The following PSG7 variants were observed in gnomAD, a reference collection of about 807,000 sequenced individuals.
The protein encoded by PSG7 is pregnancy-specific beta-1-glycoprotein 7.
Under a neutral mutation model 45.6 loss-of-function variants are expected in PSG7, and 57 were observed. That is an observed-to-expected ratio of 1.25 (90% CI 1.01 to 1.56). The LOEUF (loss-of-function observed/expected upper bound fraction) is 1.56. Ranked by LOEUF, PSG7 falls within the 40% of genes most tolerant of loss-of-function variation. The pLI, the probability that PSG7 is intolerant of heterozygous loss-of-function variation, is 0.00. For synonymous variants in PSG7, 298 were observed against 194.4 expected (o/e 1.53, Z -4.43); for missense variants, 796 against 508.4 (o/e 1.57, Z -5.44).
In PSG7 at chr19:42,924,558, G is replaced by GACATCTTGGGAAAAGCTGTCC; in HGVS notation, c.*229_*249dup. 1.7e-6 allele frequency: 1 copy of GACATCTTGGGAAAAGCTGTCC among 603,942 alleles called. No homozygotes were observed. The highest frequency in any genetic ancestry group is 2.7e-5 in the East Asian group (1 of 36,514). The allele number at this position is 603,942 out of a possible 1,614,324, so 37.4% of individuals were successfully genotyped here. On this transcript the variant is annotated 3_prime_UTR_variant, in exon 6 of 6. Coordinates refer to ENST00000406070, the MANE Select transcript of PSG7 (RefSeq NM_002783.3). ...TCATCATGATGGGGAGTCTTATTCT[G>GACATCTTGGGAAAAGCTGTCC]ACATCTTGGGAAAAGCTGTCCACAG...
chr19:42,931,080 T>A (rs1973010326), intron 2 of PSG7, among the ~76,000 whole-genome samples: 1 of 151,592 alleles, frequency 6.6e-6, no homozygotes, highest in South Asian at 2.1e-4. Context: ...ATTTCTGGAT[T>A]TGGGATGCTC....
chr19:42,926,440 AG>A lies in PSG7; in HGVS notation c.985del (p.Leu329SerfsTer81). On this transcript the variant is annotated frameshift_variant, in exon 4 of 6. Transcript: ENST00000406070. LOFTEE classifies it high-confidence loss of function. ...IRSDPVTLNVLYGPDLPRIYP... is the reference protein window; with the variant it reads ...IRSDPVTLNVXYGPDLPRIYP... ...AAAGGATACTCAAGGATACTCACAG[AG>A]GACATTCAGGGTGACTGGGTCACTG... 6.2e-7 allele frequency: 1 copy of A among 1,611,568 alleles called. No individual in the cohort carries two copies. Among genetic ancestry groups the A allele is most frequent in the Non-Finnish European group, 8.5e-7 (1 of 1,178,874 alleles).
chr19:42,931,680 G>A lies in PSG7; in HGVS notation c.431-1960C>T, dbSNP rs1973022910. Among the ~76,000 whole-genome samples the A allele has an allele frequency of 2.0e-5, 3 of 151,294 alleles. 1 individual carries two copies. The highest frequency in any genetic ancestry group is 4.2e-4 in the South Asian group (2 of 4,730). On this transcript the variant is annotated intron_variant, in intron 2 of 5. Coordinates refer to ENST00000406070, the MANE Select transcript of PSG7 (RefSeq NM_002783.3). ...ACGAAGAACTCCAACTTATGAAAAC[G>A]GCATCATCATGAGGAAACAGTTGTA... is the stretch of plus-strand genomic sequence containing the variant.
Position 42,935,517 on chromosome 19 carries a change from G to T in PSG7, c.317C>A (p.Ser106Tyr), listed in dbSNP as rs1368206323. 2 of 1,612,186 alleles carry T rather than the reference G, an allele frequency of 1.2e-6. No homozygotes were observed. Among genetic ancestry groups the T allele is most frequent in the East Asian group, 2.2e-5 (1 of 44,772 alleles). ...CTGGGTGACATTCTGGATCAGCAGG[G>T]ATGCATTGGAATATACTGTTTCTCG... ...SGRETVYSNASLLIQNVTQED... is the reference protein window; with the variant it reads ...SGRETVYSNAYLLIQNVTQED... Residue 106 changes from serine to tyrosine, a missense_variant, in exon 2 of 6, where the codon TCC becomes TAC. Transcript: ENST00000406070.
rs1048032698 is a variant in PSG7 at position 42,929,347 on chromosome 19, A to C, written c.709+95T>G. 5 of 1,604,418 alleles carry C rather than the reference A, an allele frequency of 3.1e-6. No individual in the cohort carries two copies. In the Admixed American group the frequency reaches 5.0e-5, roughly 16 times the overall value. ...CTTTGATGTCCAGGGGTAAAGGTCT[A>C]CATACTTGGACCTGAGAGGGACTGA... On this transcript the variant is annotated intron_variant, in intron 3 of 5. Coordinates refer to ENST00000406070, the MANE Select transcript of PSG7 (RefSeq NM_002783.3).
intron 3 of PSG7, 65 bp from the exon 4 acceptor site, chr19:42,926,781 C>T: frequency 6.3e-7 from 1 of 1,588,364 alleles, no homozygotes; most frequent in South Asian, 1.1e-5. Flanking sequence ...AGGCATCCTT[C>T]AATTAGAGTT....
rs547564893 is a variant in PSG7, at chr19:42,934,667, C to A, written c.430+737G>T. Among the ~76,000 whole-genome samples, 5 of 151,802 alleles carry A rather than the reference C, an allele frequency of 3.3e-5. No homozygotes were observed. In the East Asian group the frequency reaches 7.8e-4, roughly 24 times the overall value. The stretch of plus-strand genomic sequence containing the variant: ...ATGAGAAAGCACCTTTACGTCAGAT[C>A]CCTGTGGACAAGCTGCTACCTGGTA... On this transcript the variant is annotated intron_variant, in intron 2 of 5. Coordinates refer to ENST00000406070, the MANE Select transcript of PSG7 (RefSeq NM_002783.3).
At chr19:42,930,699 A>T (rs1475299512) in intron 2 of PSG7, among the ~76,000 whole-genome samples, 8 of 151,490 alleles carry the variant, frequency 5.3e-5, no homozygotes, top group Non-Finnish European at 1.0e-4. Context: ...TGACTACTCT[A>T]TGTACCTCAT....
At position 42,929,701 on chromosome 19, in the gene PSG7, G is replaced by T. The variant is rs758858714; in HGVS notation, c.450C>A (p.Ser150=). Residue 150 remains serine (S), a synonymous_variant, in exon 3 of 6, where the codon TCC becomes TCA. Transcript: ENST00000406070. ...FTLYLETPKP[S]ISSSNFNPRE... ...TGGGGTTGAAATTGCTGCTGGAGAT[G>T]GAGGGTTTGGGAGTCTCCACTGTGC... 6 of 1,612,140 alleles carry T rather than the reference G, an allele frequency of 3.7e-6. No homozygotes were observed. In the East Asian group the frequency reaches 1.3e-4, roughly 36 times the overall value.
chr19:42,926,814 G>A, intron 3 of PSG7, 98 bp from the exon 4 acceptor site: 17 of 1,545,042 alleles, frequency 1.1e-5, no homozygotes, highest in South Asian at 2.5e-5. Context: ...CTGTCAACAC[G>A]TGTGAGTCCT....
At chr19:42,932,740 A>G (rs1973047004) in intron 2 of PSG7, among the ~76,000 whole-genome samples, 1 of 151,446 alleles carries the variant, frequency 6.6e-6, no homozygotes. Context: ...TAAAACTAAC[A>G]CCCTTACTTT....
Position 42,935,579 on chromosome 19 carries a change from G to C in PSG7, c.255C>G (p.Asp85Glu). The change falls in exon 2 of 6, where the codon GAC (aspartate) becomes GAG (glutamate). Residue 85 changes from aspartate to glutamate, a missense_variant. By Grantham distance (45) the Asp-to-Glu change is conservative. Transcript: ENST00000406070. ...LYHYVTSYIV[D>E]GQIIKYGPAY... ...CAGGCCCATATTTAATTATTTGACC[G>C]TCTACTATATATGATGTAACATAAT... The C allele has an allele frequency of 6.2e-7, 1 of 1,611,714 alleles. No homozygotes were observed.
intron 1 of PSG7, chr19:42,936,605 C>G: frequency 5.4e-6 from 1 of 185,688 alleles, no homozygotes; most frequent in Non-Finnish European, 1.1e-5. Context: ...GTGTATTTTC[C>G]CCTATCCAGG....
In PSG7 at chr19:42,925,470, T is replaced by C. The variant is rs1177060362; in HGVS notation, c.1243+303A>G. On this transcript the variant is annotated intron_variant, in intron 5 of 5. Transcript: ENST00000406070. ...CCATAAATCTAGAAAACTATCCACA[T>C]AAAGAATCAGCATATTTTCAAATAA... 6.7e-6 allele frequency: 5 copies of C among 750,826 alleles called. No individual in the cohort carries two copies. In the African/African-American group the frequency reaches 7.1e-5, roughly 11 times the overall value. The allele number at this position is 750,826 out of a possible 1,614,324, so 46.5% of individuals were successfully genotyped here.
rs147949753 is a variant in PSG7 at position 42,925,830 on chromosome 19, C to G, written c.1186G>C (p.Val396Leu). 4.2e-4 allele frequency: 684 copies of G among 1,612,038 alleles called. 23 individuals carry two copies. The African/African-American group carries it at 7.6e-3, about 18-fold the overall frequency. ...TKHSGLYACS[V>L]RNSATGKESS... Reference sequence around the variant, plus strand: ...TCCTTGCCAGTGGCTGAGTTACGAACAGAGCAAGCATAGAGCCCGCTATGC... The same window carrying G: ...TCCTTGCCAGTGGCTGAGTTACGAAGAGAGCAAGCATAGAGCCCGCTATGC... Residue 396 changes from valine to leucine, a missense_variant, in exon 5 of 6, where the codon GTT (valine) becomes CTT (leucine). Transcript: ENST00000406070.
At chr19:42,927,734 A>G (rs1190597422) in intron 3 of PSG7, among the ~76,000 whole-genome samples, 1 of 151,558 alleles carries the variant, frequency 6.6e-6, no homozygotes, top group Non-Finnish European at 1.5e-5. Flanking sequence ...AGTGAATATG[A>G]GAAGAGACTG....
chr19:42,934,088 T>A (rs879535109), intron 2 of PSG7, among the ~76,000 whole-genome samples: 1 of 151,304 alleles, frequency 6.6e-6, no homozygotes, highest in African/African-American at 2.4e-5. Context: ...TGGTGCAGGG[T>A]GTGAGTGGGG....
rs565094467 is a variant in PSG7, at chr19:42,929,665, C to T, written c.486G>A (p.Thr162=). The part of the protein sequence containing the change: ...SSSNFNPREA[T]EAVILTCDPE... ...GATCACAGGTTAAAATCACAGCCTC[C>T]GTGGCCTCCCTGGGGTTGAAATTGC... The change falls in exon 3 of 6, where the codon ACG becomes ACA. Residue 162 remains threonine, a synonymous_variant. Coordinates refer to ENST00000406070, the MANE Select transcript of PSG7 (RefSeq NM_002783.3). 14 of 1,612,266 alleles carry T rather than the reference C, an allele frequency of 8.7e-6. 1 individual carries two copies. The African/African-American group carries it at 9.4e-5, about 11-fold the overall frequency.
Position 42,925,827 on chromosome 19 carries a change from G to A in PSG7, c.1189C>T (p.Arg397Cys), listed in dbSNP as rs756793511. 2.5e-5 allele frequency: 41 copies of A among 1,611,910 alleles called. 1 individual carries two copies. Among genetic ancestry groups the A allele is most frequent in the South Asian group, 5.5e-5 (5 of 90,604 alleles). Residue 397 changes from arginine (R) to cysteine (C), a missense_variant, in exon 5 of 6, where the codon CGT (arginine) becomes TGT (cysteine). Arg to Cys is a radical substitution (Grantham distance 180). Coordinates refer to ENST00000406070, the MANE Select transcript of PSG7 (RefSeq NM_002783.3). ...CTTTCCTTGCCAGTGGCTGAGTTACGAACAGAGCAAGCATAGAGCCCGCTA... is the reference window on the plus strand; with the variant it reads ...CTTTCCTTGCCAGTGGCTGAGTTACAAACAGAGCAAGCATAGAGCCCGCTA... Reference protein sequence around the residue: ...KHSGLYACSVRNSATGKESSK... With the variant: ...KHSGLYACSVCNSATGKESSK...
Sources: allele counts gnomAD v4.1 joint callset (sites outside exome capture counted in the v4.1 genomes callset), GRCh38; gene constraint gnomAD v4.1.1; transcripts MANE v1.5; gene names NCBI Gene and HGNC (gene_info 2026-07-23, HGNC 2026-07-21).